The following MED25 variants were observed in gnomAD, a reference collection of about 807,000 sequenced individuals.
MED25 encodes mediator of RNA polymerase II transcription subunit 25.
In MED25, 62 loss-of-function variants were observed where a neutral mutation model predicts 89.4. The ratio of observed to expected loss-of-function variants is 0.69; its 90% CI spans 0.57 to 0.86. The LOEUF is 0.86. Ranked by LOEUF, MED25 falls within the 40% of genes least tolerant of loss-of-function variation. The probability of loss-of-function intolerance (pLI) is 0.00; values close to 1 mark genes in which losing one functional copy is unlikely to be tolerated. For missense variants in MED25, 905 were observed against 1,005.2 expected, an observed-to-expected ratio of 0.90 and a Z score of 1.35; for synonymous variants, 449 against 427.9, an observed-to-expected ratio of 1.05 and a Z score of -0.61.
rs753007923 is a variant in MED25 at position 49,819,261 on chromosome 19, C to T, written c.270C>T (p.Ser90=). ...SYVQCHAPTS[S]AYEFVTWLDG... Reference sequence around the variant, plus strand: ...TACAATGTCACGCTCCCACCAGCAGCGCCTATGAGTTTGTCACCTGGCTCG... The same window carrying T: ...TACAATGTCACGCTCCCACCAGCAGTGCCTATGAGTTTGTCACCTGGCTCG... Residue 90 remains serine (S), a synonymous_variant, in exon 3 of 18, where the codon AGC becomes AGT. Transcript: ENST00000312865. The T allele has an allele frequency of 1.9e-6, 3 of 1,614,232 alleles. No individual in the cohort carries two copies. Among genetic ancestry groups the T allele is most frequent in the Non-Finnish European group, 2.5e-6 (3 of 1,180,038 alleles).
chr19:49,819,555 G>A (rs985906994), intron 3 of MED25: 6 of 472,346 alleles, frequency 1.3e-5, no homozygotes, highest in African/African-American at 1.2e-4. Context: ...GGACTTTGAG[G>A]GTGATTGTGT....
In MED25 at chr19:49,835,123, C is replaced by G. The variant is rs760711560; in HGVS notation, c.1620C>G (p.Val540=). ...QSGFVNGIRQ[V]ITNHKQVQQQ... ...GCTTCGTCAACGGCATCCGGCAGGT[C>G]ATCACCAACCACAAGCAGGTCCAGC... is the stretch of plus-strand genomic sequence containing the variant. Residue 540 remains valine (V), a synonymous_variant, in exon 14 of 18, where the codon GTC becomes GTG. Coordinates refer to ENST00000312865, the MANE Select transcript of MED25 (RefSeq NM_030973.4). The surrounding 1 kb of genome is among the most constrained non-coding windows in gnomAD (Gnocchi z 6.2). 1 of 1,614,134 alleles carries G rather than the reference C, an allele frequency of 6.2e-7. No individual in the cohort carries two copies. The highest frequency in any genetic ancestry group is 1.1e-5 in the South Asian group (1 of 91,080).
At chr19:49,832,189 C>CA in intron 12 of MED25, 32 bp downstream of exon 12, 1 of 1,608,524 alleles carries the variant, frequency 6.2e-7, no homozygotes, top group East Asian at 2.2e-5. Flanking sequence ...GCCCTGCTGC[C>CA]GGGCAGTCCT....
intron 12 of MED25, 24 bp downstream of exon 12, chr19:49,832,181 C>G: frequency 4.3e-6 from 7 of 1,610,526 alleles, no homozygotes; most frequent in Non-Finnish European, 5.9e-6. Flanking sequence ...GAGGGCCAGC[C>G]CTGCTGCCGG....
chr19:49,831,345 GC>G lies in MED25; in HGVS notation c.1118del (p.Pro373GlnfsTer4). ...TCCCCTCTGGCAGGCAGGCACTGTG[GC>G]CCCAGGAGGGGTGAGCGGCCCTTCC... ...PGAPSMAGTV[A>X]PGGVSGPSPA... On this transcript the variant is annotated frameshift_variant, in exon 10 of 18. Transcript: ENST00000312865. LOFTEE classifies it high-confidence loss of function. This position sits in a 1 kb window ranked among gnomAD's most constrained non-coding sequence, Gnocchi z 5.0. 2 of 1,611,098 alleles carry G rather than the reference GC, an allele frequency of 1.2e-6. No homozygotes were observed. The highest frequency in any genetic ancestry group is 1.7e-6 in the Non-Finnish European group (2 of 1,178,964).
intron 3 of MED25, among the ~76,000 whole-genome samples, chr19:49,820,281 T>C (rs998949763): frequency 6.6e-6 from 1 of 152,234 alleles, no homozygotes; most frequent in Non-Finnish European, 1.5e-5. Context: ...GGGGGTGGGC[T>C]AGCTTGAAGC....
intron 13 of MED25, chr19:49,833,860 G>A (rs1337313188): frequency 6.6e-6 from 1 of 152,418 alleles, no homozygotes; most frequent in Non-Finnish European, 1.5e-5. Flanking sequence ...GCCACACTGT[G>A]GCAGCTGGGT....
chr19:49,818,422 C>A lies in MED25; in HGVS notation c.81C>A (p.Asn27Lys), dbSNP rs761471079. The A allele has an allele frequency of 6.2e-7, 1 of 1,614,054 alleles. No homozygotes were observed. Among genetic ancestry groups the A allele is most frequent in the Non-Finnish European group, 8.5e-7 (1 of 1,180,012 alleles). Residue 27 changes from asparagine to lysine, a missense_variant, in exon 1 of 18, where the codon AAC (asparagine) becomes AAA (lysine). Around this residue, in one of 3 missense-constraint regions of MED25, gnomAD observed 501 missense variants for 526.9 expected, o/e 0.95. Transcript: ENST00000312865. ...TGTTTGTGATTGAGGGTACGGCCAA[C>A]CTGGGACCCTACTTCGAGGGGCTCC... The part of the protein sequence containing the change: ...DVVFVIEGTA[N>K]LGPYFEGLRK...
At position 49,835,460 on chromosome 19, in the gene MED25, GCACAGGCCCTCCCGCCTCA is replaced by G. The variant is rs1181399114; in HGVS notation, c.1675-73_1675-55del. On this transcript the variant is annotated intron_variant, in intron 14 of 17. Transcript: ENST00000312865. The surrounding 1 kb of genome is among the most constrained non-coding windows in gnomAD (Gnocchi z 6.2). ...CATCTCCTTACTAGTTCCCCTCAGGGCACAGGCCCTCCCGCCTCAGATTCAGGATGCCACCACCCTCAGT... is the reference window on the plus strand; with the variant it reads ...CATCTCCTTACTAGTTCCCCTCAGGGGATTCAGGATGCCACCACCCTCAGT... 21 of 1,421,062 alleles carry G rather than the reference GCACAGGCCCTCCCGCCTCA, an allele frequency of 1.5e-5. No homozygotes were observed. Among genetic ancestry groups the G allele is most frequent in the Non-Finnish European group, 4.7e-6 (5 of 1,054,456 alleles). The allele number at this position is 1,421,062 out of a possible 1,614,324, so 88.0% of individuals were successfully genotyped here.
chr19:49,825,618 G>A (rs1395598473), intron 3 of MED25, among the ~76,000 whole-genome samples: 4 of 151,794 alleles, frequency 2.6e-5, no homozygotes, highest in African/African-American at 9.7e-5. Context: ...GATCACCTGA[G>A]GTCGGGAGTT....
rs998682525 is a variant in MED25 at position 49,829,869 on chromosome 19, G to T, written c.609G>T (p.Leu203Phe). 1.2e-6 allele frequency: 2 copies of T among 1,612,918 alleles called. No individual in the cohort carries two copies. The highest frequency in any genetic ancestry group is 1.7e-6 in the Non-Finnish European group (2 of 1,179,802). Residue 203 changes from leucine (L) to phenylalanine (F), a missense_variant, in exon 6 of 18, where the codon TTG becomes TTT. Leu to Phe is a conservative substitution (Grantham distance 22). Coordinates refer to ENST00000312865, the MANE Select transcript of MED25 (RefSeq NM_030973.4). The surrounding 1 kb of genome is among the most constrained non-coding windows in gnomAD (Gnocchi z 4.6). ...TTGAGAAGGCAGCCCCCCCGGCCTTGCTGGAGCCGCTGCAGCCTCCGACAG... is the reference window on the plus strand; with the variant it reads ...TTGAGAAGGCAGCCCCCCCGGCCTTTCTGGAGCCGCTGCAGCCTCCGACAG... ...LLFEKAAPPA[L>F]LEPLQPPTDV...
At chr19:49,832,978 C>G (rs56015561) in intron 13 of MED25, 2,254 of 169,196 alleles carry the variant, frequency 0.013, 24 homozygotes, top group African/African-American at 0.027. Flanking sequence ...TGTGTCTGTG[C>G]TTATAAGGAC....
chr19:49,834,760 C>G lies in MED25; in HGVS notation c.1483-226C>G. ...TTGAAGAGCTGGGCTCCAGCACTTT[C>G]TCTCCGCTTTCCCTCTCAGTGGGCA... On this transcript the variant is annotated intron_variant, in intron 13 of 17. Transcript: ENST00000312865. The surrounding 1 kb of genome is among the most constrained non-coding windows in gnomAD (Gnocchi z 4.1). 1 of 586,458 alleles carries G rather than the reference C, an allele frequency of 1.7e-6. No individual in the cohort carries two copies. Among genetic ancestry groups the G allele is most frequent in the Admixed American group, 3.0e-5 (1 of 33,726 alleles). The allele number at this position is 586,458 out of a possible 1,614,324, so 36.3% of individuals were successfully genotyped here. A position where few individuals can be genotyped will look rare whatever the true frequency, so the allele number is the denominator to read the frequency against.
chr19:49,832,799 AGGGTGTCAGCAGGGC>A, intron 13 of MED25: 6 of 341,452 alleles, frequency 1.8e-5, no homozygotes, highest in East Asian at 1.6e-4. Context: ...GCCCAAGGTC[AGGGTGTCAGCAGGGC>A]CACGCTCTCT....
chr19:49,839,256 T>C (rs1011662139), downstream of MED25: 1 of 170,952 alleles, frequency 5.8e-6, no homozygotes, highest in African/African-American at 2.4e-5. Flanking sequence ...TCACATAGAC[T>C]GGCCAGAGTT....
At position 49,830,247 on chromosome 19, in the gene MED25, T is replaced by G; in HGVS notation, c.819+29T>G. ...TGGATATTTCCGGGAAGGGACATGC[T>G]TCTGGGGACTTGCTGGAGCCCTGGC... On this transcript the variant is annotated intron_variant, in intron 7 of 17. Coordinates refer to ENST00000312865, the MANE Select transcript of MED25 (RefSeq NM_030973.4). The surrounding 1 kb of genome is among the most constrained non-coding windows in gnomAD (Gnocchi z 4.6). 1 of 1,602,376 alleles carries G rather than the reference T, an allele frequency of 6.2e-7. No homozygotes were observed. Among genetic ancestry groups the G allele is most frequent in the Non-Finnish European group, 8.5e-7 (1 of 1,173,996 alleles).
Position 49,818,803 on chromosome 19 carries a change from G to T in MED25, c.180+187G>T. ...GACTCCTGGGTCTGAGGGTGGAGGCGCTGGGGCCCGGATTCCTGGGTCCGA... is the reference window on the plus strand; with the variant it reads ...GACTCCTGGGTCTGAGGGTGGAGGCTCTGGGGCCCGGATTCCTGGGTCCGA... On this transcript the variant is annotated intron_variant, in intron 2 of 17. Transcript: ENST00000312865. The T allele has an allele frequency of 4.6e-6, 3 of 653,846 alleles. No homozygotes were observed. In the South Asian group the frequency reaches 5.6e-5, roughly 12 times the overall value. The allele number at this position is 653,846 out of a possible 1,614,324, so 40.5% of individuals were successfully genotyped here. A position where few individuals can be genotyped will look rare whatever the true frequency, so the allele number is the denominator to read the frequency against.
In MED25 at chr19:49,835,824, C is replaced by G. The variant is rs1407438894; in HGVS notation, c.1844C>G (p.Pro615Arg). The G allele has an allele frequency of 6.2e-7, 1 of 1,610,276 alleles. No homozygotes were observed. The highest frequency in any genetic ancestry group is 8.5e-7 in the Non-Finnish European group (1 of 1,178,070). ...CCCCAAGGTACTGCCCAGCCCCCGC[C>G]AGGTGCCCCTCAAGGCCCTCCTGGA... is the stretch of plus-strand genomic sequence containing the variant. The part of the protein sequence containing the change: ...PQPQGTAQPP[P>R]GAPQGPPGAA... Residue 615 changes from proline (P) to arginine (R), a missense_variant, in exon 16 of 18, where the codon CCA becomes CGA. Around this residue, in one of 3 missense-constraint regions of MED25, gnomAD observed 271 missense variants for 258.1 expected, o/e 1.05. Transcript: ENST00000312865. The surrounding 1 kb of genome is among the most constrained non-coding windows in gnomAD (Gnocchi z 6.2).
chr19:49,836,550 A>G lies in MED25; in HGVS notation c.2146+144A>G. On this transcript the variant is annotated intron_variant, in intron 17 of 17. Coordinates refer to ENST00000312865, the MANE Select transcript of MED25 (RefSeq NM_030973.4). The surrounding 1 kb of genome is among the most constrained non-coding windows in gnomAD (Gnocchi z 5.1). ...CCCCCATGGCCTTTGCGGAGCTCTG[A>G]GGGCTCCGGGAAAGTACAGCCCATG... 9.4e-7 allele frequency: 1 copy of G among 1,062,374 alleles called. No homozygotes were observed. Among genetic ancestry groups the G allele is most frequent in the Non-Finnish European group, 1.4e-6 (1 of 702,578 alleles). 65.8% of individuals were successfully genotyped at this position (1,062,374 alleles called of 1,614,324 possible).
Sources: gnomAD v4.1 joint callset for allele counts (sites outside exome capture counted in the v4.1 genomes callset) on GRCh38, gnomAD v4.1.1 for gene constraint, gnomAD v4.1.1 regional missense constraint, Gnocchi (gnomAD v3.1) non-coding constraint, MANE v1.5 for transcripts, NCBI Gene and HGNC (gene_info 2026-07-23, HGNC 2026-07-21) for gene names.